WARS2: variants seen among roughly 807,000 people sequenced by gnomAD.
WARS2 encodes tryptophan--tRNA ligase, mitochondrial.
In WARS2, 28 loss-of-function variants were observed where a neutral mutation model predicts 36.5. The observed-to-expected ratio is 0.77, with a 90% confidence interval of 0.57 to 1.05. WARS2 has a LOEUF of 1.05. WARS2 is among the 50% of genes least tolerant of loss of function. The probability of loss-of-function intolerance (pLI) is 0.00; values close to 1 mark genes in which losing one functional copy is unlikely to be tolerated. For synonymous variants in WARS2, 174 were observed against 178.4 expected (o/e 0.98, Z 0.20); for missense variants, 435 against 456.8 (o/e 0.95, Z 0.44).
At chr1:119,121,699 A>C (rs1302786694) in intron 1 of WARS2, among the ~76,000 whole-genome samples, 1 of 152,208 alleles carries the variant, frequency 6.6e-6, no homozygotes, top group East Asian at 1.9e-4. Context: ...ACAGGCACGT[A>C]GTACAATGGA....
At chr1:119,045,535 G>GA in intron 3 of WARS2, 47 bp downstream of exon 3, 1 of 1,512,490 alleles carries the variant, frequency 6.6e-7, no homozygotes, top group Non-Finnish European at 9.0e-7. Flanking sequence ...AACAGGAAGG[G>GA]AAAAATAGCT....
intron 2 of WARS2, among the ~76,000 whole-genome samples, chr1:119,072,990 C>G (rs1571317867): frequency 1.3e-5 from 2 of 151,222 alleles, no homozygotes; most frequent in South Asian, 2.1e-4. Context: ...CCCCATCTCT[C>G]CAAAAAAAAA....
Position 119,032,803 on chromosome 1 carries a change from C to T in WARS2, c.*108G>A. ...AAATAAAGCCAATAATCAGCTATAC[C>T]AAATTAAATGTCCCAAAACTATAAC... On this transcript the variant is annotated 3_prime_UTR_variant, in exon 6 of 6. Coordinates refer to ENST00000235521, the MANE Select transcript of WARS2 (RefSeq NM_015836.4). 9.3e-7 allele frequency: 1 copy of T among 1,078,158 alleles called. No individual in the cohort carries two copies. Among genetic ancestry groups the T allele is most frequent in the Non-Finnish European group, 1.3e-6 (1 of 756,568 alleles). 66.8% of individuals were successfully genotyped at this position (1,078,158 alleles called of 1,614,324 possible). A position where few individuals can be genotyped will look rare whatever the true frequency, so the allele number is the denominator to read the frequency against.
intron 1 of WARS2, among the ~76,000 whole-genome samples, chr1:119,119,153 C>G (rs1283498563): frequency 2.0e-5 from 3 of 152,028 alleles, no homozygotes; most frequent in Admixed American, 6.6e-5. Context: ...AAGAATTCAC[C>G]AACCAAGTAT....
chr1:119,093,729 T>A (rs1653224767), intron 1 of WARS2, among the ~76,000 whole-genome samples: 1 of 152,128 alleles, frequency 6.6e-6, no homozygotes, highest in Non-Finnish European at 1.5e-5. Context: ...TACATTTCTG[T>A]TCTTTTAGGC....
rs563303030 is a variant in WARS2 at position 119,046,648 on chromosome 1, G to A, written c.349-986C>T. On this transcript the variant is annotated intron_variant, in intron 2 of 5. Coordinates refer to ENST00000235521, the MANE Select transcript of WARS2 (RefSeq NM_015836.4). ...TGGAGTTACAGGCGTGAGCCACTGC[G>A]CCCAGCCCCAAATTTGTTTGTTTCA... is the stretch of plus-strand genomic sequence containing the variant. 1.1e-4 allele frequency among the ~76,000 whole-genome samples: 16 copies of A among 151,734 alleles called. 3 individuals are homozygous for A. The highest frequency in any genetic ancestry group is 3.6e-4 in the African/African-American group (15 of 41,386).
At chr1:119,088,858 CATAGAG>C (rs1371368778) in intron 1 of WARS2, among the ~76,000 whole-genome samples, 4 of 152,148 alleles carry the variant, frequency 2.6e-5, no homozygotes, top group Non-Finnish European at 5.9e-5. Flanking sequence ...ATTATCTCTG[CATAGAG>C]ATACTGTTTT....
intron 2 of WARS2, chr1:119,047,682 G>A (rs1291865257): frequency 3.9e-5 from 6 of 152,162 alleles, no homozygotes; most frequent in Non-Finnish European, 7.4e-5. Flanking sequence ...TCATATTCAT[G>A]ACAATTGCAT....
At chr1:119,091,173 G>A (rs969090276) in intron 1 of WARS2, among the ~76,000 whole-genome samples, 3 of 152,124 alleles carry the variant, frequency 2.0e-5, no homozygotes, top group Non-Finnish European at 2.9e-5. Context: ...GCCTCCTAGC[G>A]CCTTTTGCAA....
At chr1:119,054,315 T>C (rs1326995458) in intron 2 of WARS2, among the ~76,000 whole-genome samples, 1 of 151,866 alleles carries the variant, frequency 6.6e-6, no homozygotes, top group Non-Finnish European at 1.5e-5. Flanking sequence ...TACTAATAAT[T>C]AGGGAAATGC....
chr1:119,125,721 T>G (rs1655610440), intron 1 of WARS2, among the ~76,000 whole-genome samples: 1 of 152,216 alleles, frequency 6.6e-6, no homozygotes, highest in Non-Finnish European at 1.5e-5. Flanking sequence ...GCCTCTGTTA[T>G]TATCTTTCCA....
intron 2 of WARS2, among the ~76,000 whole-genome samples, chr1:119,053,165 T>C (rs1216302544): frequency 6.6e-6 from 1 of 152,154 alleles, no homozygotes; most frequent in Non-Finnish European, 1.5e-5. Context: ...GTTCCACCCA[T>C]GGGCTAAGAA....
rs2101595234 is a variant in WARS2, at chr1:119,140,303, C to G, written c.90+252G>C. ...GGCAACAGCGGCGGCGCTCCGCTCCCAGAACTGGAGGTGGCGGCAAGAGGT... is the reference window on the plus strand; with the variant it reads ...GGCAACAGCGGCGGCGCTCCGCTCCGAGAACTGGAGGTGGCGGCAAGAGGT... On this transcript the variant is annotated intron_variant, in intron 1 of 5. Transcript: ENST00000235521. The G allele has an allele frequency of 1.1e-5, 4 of 367,064 alleles. No individual in the cohort carries two copies. The East Asian group carries it at 1.7e-4, about 16-fold the overall frequency. 22.7% of individuals were successfully genotyped at this position (367,064 alleles called of 1,614,324 possible). A position where few individuals can be genotyped will look rare whatever the true frequency, so the allele number is the denominator to read the frequency against.
chr1:119,045,272 T>G (rs1351721485), intron 3 of WARS2, among the ~76,000 whole-genome samples: 1 of 152,248 alleles, frequency 6.6e-6, no homozygotes, highest in African/African-American at 2.4e-5. Flanking sequence ...CAGAGTCTAG[T>G]AATCTACAAT....
chr1:119,039,361 A>G (rs1648150594), intron 4 of WARS2, among the ~76,000 whole-genome samples: 1 of 151,964 alleles, frequency 6.6e-6, no homozygotes, highest in Non-Finnish European at 1.5e-5. Flanking sequence ...CTTTATGTGT[A>G]TGTGTGTGTG....
chr1:119,039,476 G>A (rs1012577166), intron 4 of WARS2, among the ~76,000 whole-genome samples: 3 of 151,966 alleles, frequency 2.0e-5, no homozygotes, highest in Non-Finnish European at 4.4e-5. Context: ...GAGAGAAAGG[G>A]GAGAAATAAA....
intron 1 of WARS2, among the ~76,000 whole-genome samples, chr1:119,081,805 G>C (rs1388659252): frequency 6.6e-6 from 1 of 152,072 alleles, no homozygotes; most frequent in Non-Finnish European, 1.5e-5. Flanking sequence ...GGCAATTAAG[G>C]ATTGAAGAGC....
chr1:119,063,429 C>A (rs1270670845), intron 2 of WARS2: 1 of 152,138 alleles, frequency 6.6e-6, no homozygotes, highest in African/African-American at 2.4e-5. Flanking sequence ...GAAATTCAAG[C>A]CCGCTGCAGA....
At chr1:119,061,245 C>T (rs529516184) in intron 2 of WARS2, among the ~76,000 whole-genome samples, 8 of 152,162 alleles carry the variant, frequency 5.3e-5, no homozygotes, top group Non-Finnish European at 1.2e-4. Context: ...CGAGATGTTC[C>T]ATATGTTGTA....
Sources: gnomAD v4.1 joint callset for allele counts (sites outside exome capture counted in the v4.1 genomes callset) on GRCh38, gnomAD v4.1.1 for gene constraint, MANE v1.5 for transcripts, NCBI Gene and HGNC (gene_info 2026-07-23, HGNC 2026-07-21) for gene names.